WWOX: variants seen among roughly 807,000 people sequenced by gnomAD.
The protein encoded by WWOX is WW domain containing oxidoreductase, also known as WW domain-containing oxidoreductase.
WWOX carries 69 observed loss-of-function variants against 46.2 expected under a neutral mutation model. That is an observed-to-expected ratio of 1.49 (90% CI 1.23 to 1.82). The LOEUF is 1.82. WWOX is among the 40% of genes most tolerant of loss of function. The pLI is 0.00. For missense variants in WWOX, 919 were observed against 542.6 expected, an observed-to-expected ratio of 1.69 and a Z score of -6.89; for synonymous variants, 359 against 202.6, an observed-to-expected ratio of 1.77 and a Z score of -6.56.
intron 8 of WWOX, among the ~76,000 whole-genome samples, chr16:78,717,422 T>A (rs2142341795): frequency 6.6e-6 from 1 of 152,344 alleles, no homozygotes; most frequent in Non-Finnish European, 1.5e-5. Flanking sequence ...GCTCCTTATC[T>A]TGTTCATTGC....
intron 8 of WWOX, chr16:78,896,050 A>T (rs529647290): frequency 2.0e-5 from 3 of 152,216 alleles, no homozygotes; most frequent in Non-Finnish European, 2.9e-5. Context: ...CAGATGAGTA[A>T]TAACCAAAGA....
At chr16:78,669,138 C>A (rs945949757) in intron 8 of WWOX, among the ~76,000 whole-genome samples, 2 of 152,090 alleles carry the variant, frequency 1.3e-5, no homozygotes, top group Non-Finnish European at 2.9e-5. Flanking sequence ...CCATCTCCAC[C>A]ACAAGGAAGC....
At chr16:78,132,878 A>G (rs1481250428) in intron 4 of WWOX, among the ~76,000 whole-genome samples, 1 of 152,094 alleles carries the variant, frequency 6.6e-6, no homozygotes. Context: ...GCTCCATTCC[A>G]TTTCCCAGCT....
chr16:78,473,450 A>G (rs2084279289), intron 8 of WWOX, among the ~76,000 whole-genome samples: 1 of 152,160 alleles, frequency 6.6e-6, no homozygotes, highest in African/African-American at 2.4e-5. Flanking sequence ...CAGTATGACA[A>G]GGGAAGAGTT....
chr16:78,652,096 G>A (rs1207759585), intron 8 of WWOX, among the ~76,000 whole-genome samples: 1 of 152,130 alleles, frequency 6.6e-6, no homozygotes, highest in African/African-American at 2.4e-5. Flanking sequence ...GCCAGCTTGA[G>A]ACCAGGGCTC....
intron 8 of WWOX, among the ~76,000 whole-genome samples, chr16:78,950,689 G>T (rs1863246499): frequency 6.6e-6 from 1 of 152,110 alleles, no homozygotes; most frequent in Non-Finnish European, 1.5e-5. Context: ...AGTACTTTCT[G>T]CAAGCTTCTA....
intron 8 of WWOX, among the ~76,000 whole-genome samples, chr16:79,024,493 G>A (rs1231125892): frequency 1.3e-5 from 2 of 152,066 alleles, no homozygotes; most frequent in African/African-American, 4.8e-5. Context: ...GAGTGCAGTG[G>A]TGCTATCTCA....
intron 8 of WWOX, among the ~76,000 whole-genome samples, chr16:78,490,697 C>G (rs562726200): frequency 1.4e-4 from 22 of 152,274 alleles, no homozygotes; most frequent in South Asian, 6.2e-4. Flanking sequence ...GCCCTCAGTT[C>G]TCCGTCCTGC....
intron 8 of WWOX, among the ~76,000 whole-genome samples, chr16:78,811,947 T>C (rs2142709599): frequency 6.6e-6 from 1 of 152,300 alleles, no homozygotes. Context: ...TAAATGGAAT[T>C]TTTAAAGAAT....
At position 78,887,510 on chromosome 16, in the gene WWOX, CACACA is replaced by C. The variant is rs1567627612; in HGVS notation, c.1057-324097_1057-324093del. On this transcript the variant is annotated intron_variant, in intron 8 of 8. Transcript: ENST00000566780. ...ACACACACACACACACACACACACA[CACACA>C]CACAAGAAATGACTACAGACACCTC... Among the ~76,000 whole-genome samples the C allele has an allele frequency of 1.1e-4, 9 of 85,126 alleles. 1 individual carries two copies. The highest frequency in any genetic ancestry group is 2.6e-4 in the African/African-American group (8 of 30,630). 55.8% of individuals were successfully genotyped at this position (85,126 alleles called of 152,430 possible). A position where few individuals can be genotyped will look rare whatever the true frequency, so the allele number is the denominator to read the frequency against.
intron 8 of WWOX, among the ~76,000 whole-genome samples, chr16:79,092,024 T>C (rs2048972525): frequency 6.6e-6 from 1 of 151,960 alleles, no homozygotes; most frequent in Non-Finnish European, 1.5e-5. Context: ...CGTGATCTTT[T>C]CTCGCCTCGG....
intron 8 of WWOX, among the ~76,000 whole-genome samples, chr16:78,539,274 C>T (rs944485430): frequency 2.6e-5 from 4 of 152,322 alleles, no homozygotes; most frequent in South Asian, 2.1e-4. Context: ...CAGGAATCTG[C>T]GTGAGCCTTG....
At chr16:78,509,766 C>T (rs1004036730) in intron 8 of WWOX, among the ~76,000 whole-genome samples, 5 of 151,996 alleles carry the variant, frequency 3.3e-5, no homozygotes, top group Non-Finnish European at 7.4e-5. Context: ...TAAATTGAAG[C>T]GTACAGTGCC....
At chr16:78,480,076 A>C (rs1054798773) in intron 8 of WWOX, among the ~76,000 whole-genome samples, 1 of 152,180 alleles carries the variant, frequency 6.6e-6, no homozygotes, top group Admixed American at 6.5e-5. Flanking sequence ...GGTCCTATGG[A>C]GTGTCAGAAA....
intron 8 of WWOX, among the ~76,000 whole-genome samples, chr16:78,605,221 C>A (rs2045726531): frequency 6.6e-6 from 1 of 151,300 alleles, no homozygotes; most frequent in Non-Finnish European, 1.5e-5. Context: ...TTTGATATGT[C>A]ATTGTTTCCC....
intron 8 of WWOX, among the ~76,000 whole-genome samples, chr16:78,786,107 C>G (rs1016470774): frequency 6.6e-6 from 1 of 152,136 alleles, no homozygotes; most frequent in Admixed American, 6.5e-5. Context: ...GCGAGATTTT[C>G]CCGTGTTGGC....
intron 8 of WWOX, among the ~76,000 whole-genome samples, chr16:78,992,779 G>A (rs1418568994): frequency 6.6e-6 from 1 of 152,128 alleles, no homozygotes; most frequent in Non-Finnish European, 1.5e-5. Context: ...AGTGTCCTCT[G>A]AGCCCTCCTT....
At chr16:78,530,836 T>G (rs1324019183) in intron 8 of WWOX, among the ~76,000 whole-genome samples, 1 of 152,224 alleles carries the variant, frequency 6.6e-6, no homozygotes, top group African/African-American at 2.4e-5. Flanking sequence ...ATAATAATTT[T>G]TAACATTGAT....
chr16:78,698,962 A>G (rs749022011), intron 8 of WWOX, among the ~76,000 whole-genome samples: 9 of 152,248 alleles, frequency 5.9e-5, no homozygotes, highest in Non-Finnish European at 1.2e-4. Context: ...TTTAAAATAG[A>G]AACTGTTAGG....
Sources: gnomAD v4.1 joint callset for allele counts (sites outside exome capture counted in the v4.1 genomes callset) on GRCh38, gnomAD v4.1.1 for gene constraint, MANE v1.5 for transcripts, NCBI Gene and HGNC (gene_info 2026-07-23, HGNC 2026-07-21) for gene names.